The following PIK3CD variants were observed in gnomAD, a reference collection of about 807,000 sequenced individuals.
PIK3CD encodes the protein phosphatidylinositol 4,5-bisphosphate 3-kinase catalytic subunit delta isoform.
Under a neutral mutation model 122.9 loss-of-function variants are expected in PIK3CD, and 20 were observed. That is an observed-to-expected ratio of 0.16 (90% CI 0.11 to 0.24). PIK3CD has a LOEUF of 0.24. Among genes scored for constraint, PIK3CD ranks in the 10% least tolerant of loss-of-function variants. The pLI, the probability that PIK3CD is intolerant of heterozygous loss-of-function variation, is 1.00. For synonymous variants in PIK3CD, 596 were observed against 593.4 expected (o/e 1.00, Z -0.06); for missense variants, 787 against 1,406.3 (o/e 0.56, Z 7.04).
chr1:9,658,054 G>A (rs1644909167), intron 1 of PIK3CD, among the ~76,000 whole-genome samples: 1 of 152,086 alleles, frequency 6.6e-6, no homozygotes, highest in African/African-American at 2.4e-5. Context: ...CTTATCAATA[G>A]AGAAGCATAA....
chr1:9,712,509 G>C (rs1344027458), intron 3 of PIK3CD, among the ~76,000 whole-genome samples: 2 of 152,058 alleles, frequency 1.3e-5, no homozygotes, highest in Non-Finnish European at 2.9e-5. Context: ...TCGAACTCCT[G>C]ACCTCAAGTG....
intron 1 of PIK3CD, among the ~76,000 whole-genome samples, chr1:9,668,761 G>A (rs953870036): frequency 1.3e-5 from 2 of 152,184 alleles, no homozygotes; most frequent in Admixed American, 6.6e-5. Context: ...AAGGGGAGCT[G>A]ACAACCTCTT....
chr1:9,718,726 C>G lies in PIK3CD; in HGVS notation c.1053C>G (p.Asn351Lys). The G allele has an allele frequency of 6.2e-7, 1 of 1,607,138 alleles. No individual in the cohort carries two copies. Among genetic ancestry groups the G allele is most frequent in the East Asian group, 2.2e-5 (1 of 44,854 alleles). The change falls in exon 9 of 24, where the codon AAC becomes AAG. Residue 351 changes from asparagine to lysine, a missense_variant. Coordinates refer to ENST00000377346, the MANE Select transcript of PIK3CD (RefSeq NM_005026.5). This position sits in a 1 kb window ranked among gnomAD's most constrained non-coding sequence, Gnocchi z 7.2. ...TGCAGGCCGGGCTTTTCCACGGCAA[C>G]GAGATGCTGTGCAAGACGGTGTCCA... is the stretch of plus-strand genomic sequence containing the variant. ...LVVQAGLFHG[N>K]EMLCKTVSSS...
At chr1:9,674,743 C>T (rs1353503823) in intron 1 of PIK3CD, among the ~76,000 whole-genome samples, 2 of 147,416 alleles carry the variant, frequency 1.4e-5, no homozygotes, top group Non-Finnish European at 3.0e-5. Flanking sequence ...AAGGAAAATA[C>T]TAAGCTAGCC....
At position 9,683,502 on chromosome 1, in the gene PIK3CD, T is replaced by G. The variant is rs117884238; in HGVS notation, c.-137-7965T>G. Among the ~76,000 whole-genome samples, 1,179 of 151,456 alleles carry G rather than the reference T, an allele frequency of 7.8e-3. 35 individuals are homozygous for G. The highest frequency in any genetic ancestry group is 0.049 in the Admixed American group (743 of 15,218). ...AAACGAGCCTTGTGCCTTATAGCAG[T>G]GGGACAACTTGGTGTTAGAAGCAGT... On this transcript the variant is annotated intron_variant, in intron 1 of 23. Coordinates refer to ENST00000377346, the MANE Select transcript of PIK3CD (RefSeq NM_005026.5).
At chr1:9,635,375 T>G in the PIK3CD span, among the ~76,000 whole-genome samples, 31 of 152,124 alleles carry the variant, frequency 2.0e-4, no homozygotes, top group African/African-American at 6.7e-4. Flanking sequence ...TGCTGCATGA[T>G]TCTCCCCCAC....
chr1:9,662,143 C>T (rs547691874), intron 1 of PIK3CD, among the ~76,000 whole-genome samples: 4 of 151,974 alleles, frequency 2.6e-5, no homozygotes, highest in South Asian at 2.1e-4. Context: ...CCAACCTGGG[C>T]GACAGAGCGA....
chr1:9,724,014 T>C lies in PIK3CD; in HGVS notation c.2640T>C (p.Ala880=), dbSNP rs1380303173. The C allele has an allele frequency of 3.7e-6, 6 of 1,614,200 alleles. No homozygotes were observed. The highest frequency in any genetic ancestry group is 5.1e-6 in the Non-Finnish European group (6 of 1,180,036). ...TTGAGGAGTTCACCCTCTCCTGTGC[T>C]GGCTATTGTGTGGCCACATATGTGC... The part of the protein sequence containing the change: ...RAIEEFTLSC[A]GYCVATYVLG... Residue 880 remains alanine, a synonymous_variant, in exon 21 of 24, where the codon GCT becomes GCC. Transcript: ENST00000377346. This position sits in a 1 kb window ranked among gnomAD's most constrained non-coding sequence, Gnocchi z 7.3.
In PIK3CD at chr1:9,674,547, G is replaced by A. The variant is rs537215596; in HGVS notation, c.-137-16920G>A. Among the ~76,000 whole-genome samples the A allele has an allele frequency of 2.8e-4, 42 of 151,930 alleles. No homozygotes were observed. The East Asian group carries it at 4.1e-3, about 15-fold the overall frequency. On this transcript the variant is annotated intron_variant, in intron 1 of 23. Coordinates refer to ENST00000377346, the MANE Select transcript of PIK3CD (RefSeq NM_005026.5). ...TCTACTAAAAATACAAAAATTAGCC[G>A]GGTGTGGTGGTGGGTGTCTGTAATC...
intron 2 of PIK3CD, among the ~76,000 whole-genome samples, chr1:9,701,166 C>A (rs998777440): frequency 2.0e-5 from 3 of 152,144 alleles, no homozygotes; most frequent in Non-Finnish European, 4.4e-5. Context: ...CTCTGCAAGA[C>A]CCAGCCCAGT....
chr1:9,647,901 T>C (rs761995701), upstream of PIK3CD, among the ~76,000 whole-genome samples: 17 of 152,174 alleles, frequency 1.1e-4, no homozygotes, highest in Non-Finnish European at 2.5e-4. Context: ...TAGAGCTTAA[T>C]TGGTTACAGT....
At chr1:9,655,766 C>T (rs1644837804) in intron 1 of PIK3CD, among the ~76,000 whole-genome samples, 1 of 139,068 alleles carries the variant, frequency 7.2e-6, no homozygotes, top group East Asian at 2.2e-4. Context: ...GGTGTGATCT[C>T]GGCCCACTGC....
At chr1:9,706,566 A>G (rs1242731903) in intron 2 of PIK3CD, among the ~76,000 whole-genome samples, 2 of 152,286 alleles carry the variant, frequency 1.3e-5, no homozygotes, top group African/African-American at 4.8e-5. Flanking sequence ...ATCTACATTC[A>G]GATCAAGTAT....
In PIK3CD at chr1:9,721,869, C is replaced by T. The variant is rs766867573; in HGVS notation, c.2055+9C>T. The T allele has an allele frequency of 1.2e-6, 2 of 1,612,896 alleles. No individual in the cohort carries two copies. Among genetic ancestry groups the T allele is most frequent in the South Asian group, 2.2e-5 (2 of 91,064 alleles). On this transcript the variant is annotated intron_variant, in intron 16 of 23. Transcript: ENST00000377346. ...AGGTGCTGATGAAGCAGGTGAGGCC[C>T]AAGGCCCTGGGGGGCGGGCAGGGGG...
chr1:9,657,458 T>C (rs529030888), intron 1 of PIK3CD, among the ~76,000 whole-genome samples: 3 of 152,136 alleles, frequency 2.0e-5, no homozygotes, highest in Non-Finnish European at 2.9e-5. Flanking sequence ...CTGGGTGACT[T>C]TAGGCAAAGA....
Position 9,718,562 on chromosome 1 carries a change from C to T in PIK3CD, c.1021-132C>T, listed in dbSNP as rs1647938493. The T allele has an allele frequency of 4.6e-6, 4 of 870,704 alleles. No homozygotes were observed. Among genetic ancestry groups the T allele is most frequent in the Admixed American group, 2.0e-5 (1 of 50,314 alleles). 53.9% of individuals were successfully genotyped at this position (870,704 alleles called of 1,614,324 possible). ...CCCTCAGGCCTTCCCTGTGCTGCAC[C>T]ACCTTCCTTCGTGTGGGAAGTAGAG... On this transcript the variant is annotated intron_variant, in intron 8 of 23. Transcript: ENST00000377346. The surrounding 1 kb of genome is among the most constrained non-coding windows in gnomAD (Gnocchi z 7.2).
intron 5 of PIK3CD, 174 bp downstream of exon 5, chr1:9,716,252 C>A: frequency 1.2e-6 from 1 of 811,856 alleles, no homozygotes; most frequent in Non-Finnish European, 2.0e-6. Context: ...GCAAGCTCAA[C>A]GTGGCAGGAT....
chr1:9,702,500 C>CCTTTTTTTTTTTTTTT (rs1646675709), intron 2 of PIK3CD, among the ~76,000 whole-genome samples: 1 of 25,804 alleles, frequency 3.9e-5, no homozygotes, highest in Non-Finnish European at 1.0e-4. Flanking sequence ...AAGAACTTTC[C>CCTTTTTTTTTTTTTTT]TTTTTTTTTT....
intron 1 of PIK3CD, among the ~76,000 whole-genome samples, chr1:9,676,801 C>G (rs1645555710): frequency 6.6e-6 from 1 of 152,180 alleles, no homozygotes; most frequent in Non-Finnish European, 1.5e-5. Context: ...ACATCAGGTG[C>G]CTAGTCATGG....
Sources: gnomAD v4.1 joint callset for allele counts (sites outside exome capture counted in the v4.1 genomes callset) on GRCh38, gnomAD v4.1.1 for gene constraint, Gnocchi (gnomAD v3.1) non-coding constraint, MANE v1.5 for transcripts, NCBI Gene and HGNC (gene_info 2026-07-23, HGNC 2026-07-21) for gene names.